The following PPP3CA variants were observed in gnomAD, a reference collection of about 807,000 sequenced individuals.
PPP3CA encodes CAM-PRP catalytic subunit.
A neutral mutation model predicts 66.5 loss-of-function variants in PPP3CA; 14 were observed. The ratio of observed to expected loss-of-function variants is 0.21; its 90% CI spans 0.14 to 0.33. PPP3CA has a LOEUF of 0.33. Ranked by LOEUF, PPP3CA falls within the 10% of genes least tolerant of loss-of-function variation. The pLI, the probability that PPP3CA is intolerant of heterozygous loss-of-function variation, is 1.00. For missense variants in PPP3CA, 317 were observed against 639.5 expected (o/e 0.50, Z 5.44); for synonymous variants, 232 against 226.2 (o/e 1.03, Z -0.23).
At chr4:101,162,658 T>A (rs1353456327) in intron 2 of PPP3CA, among the ~76,000 whole-genome samples, 2 of 152,282 alleles carry the variant, frequency 1.3e-5, no homozygotes, top group Middle Eastern at 3.4e-3. Context: ...CATTTGACAA[T>A]GAATTTCTTA....
intron 2 of PPP3CA, among the ~76,000 whole-genome samples, chr4:101,162,222 A>G: frequency 6.6e-6 from 1 of 152,036 alleles, no homozygotes; most frequent in East Asian, 1.9e-4. Flanking sequence ...CCTGGGAGAC[A>G]GAGCAAGACT....
rs1726594262 is a variant in PPP3CA, at chr4:101,025,597, T to G, written c.*268A>C. 1 of 313,582 alleles carries G rather than the reference T, an allele frequency of 3.2e-6. No individual in the cohort carries two copies. Among genetic ancestry groups the G allele is most frequent in the African/African-American group, 2.1e-5 (1 of 46,562 alleles). 19.4% of individuals were successfully genotyped at this position (313,582 alleles called of 1,614,324 possible). On this transcript the variant is annotated 3_prime_UTR_variant, in exon 14 of 14. Transcript: ENST00000394854. ...TTGCAGTATATACTAGCATTAGCTT[T>G]CTTTTTAAAATTTTTTTTCTCTATA...
At chr4:101,319,100 C>G (rs1414358968) in intron 1 of PPP3CA, among the ~76,000 whole-genome samples, 1 of 149,968 alleles carries the variant, frequency 6.7e-6, no homozygotes, top group Non-Finnish European at 1.5e-5. Flanking sequence ...TAAAAGCAGG[C>G]AGCCACTTAG....
At chr4:101,127,531 A>C (rs1483948988) in intron 2 of PPP3CA, among the ~76,000 whole-genome samples, 1 of 152,168 alleles carries the variant, frequency 6.6e-6, no homozygotes, top group Non-Finnish European at 1.5e-5. Context: ...AGCTACCAGA[A>C]GCTGGAAGAG....
intron 1 of PPP3CA, among the ~76,000 whole-genome samples, chr4:101,293,799 A>G (rs1728106556): frequency 6.6e-6 from 1 of 152,212 alleles, no homozygotes; most frequent in Non-Finnish European, 1.5e-5. Flanking sequence ...GGCCACTTGT[A>G]GCTGAATGTT....
chr4:101,114,495 T>C (rs1313010111), intron 2 of PPP3CA, among the ~76,000 whole-genome samples: 1 of 152,094 alleles, frequency 6.6e-6, no homozygotes, highest in African/African-American at 2.4e-5. Context: ...ATATAATCTA[T>C]CTTGGTAATT....
intron 1 of PPP3CA, among the ~76,000 whole-genome samples, chr4:101,238,132 C>A (rs13133951): frequency 6.6e-6 from 1 of 152,112 alleles, no homozygotes; most frequent in East Asian, 1.9e-4. Context: ...GATATGGCCA[C>A]CAGATCCAGA....
At chr4:101,221,836 T>A (rs1215023061) in intron 1 of PPP3CA, among the ~76,000 whole-genome samples, 3 of 151,676 alleles carry the variant, frequency 2.0e-5, no homozygotes, top group African/African-American at 7.2e-5. Context: ...AACAAAATAC[T>A]CTTCCCTCTA....
intron 2 of PPP3CA, among the ~76,000 whole-genome samples, chr4:101,191,744 C>T (rs959261689): frequency 6.6e-6 from 1 of 152,164 alleles, no homozygotes; most frequent in Non-Finnish European, 1.5e-5. Flanking sequence ...TCCTAATTGA[C>T]GTCAGCTGCT....
At chr4:101,056,427 TGAG>T (rs748975381) in intron 10 of PPP3CA, among the ~76,000 whole-genome samples, 1 of 152,102 alleles carries the variant, frequency 6.6e-6, no homozygotes, top group Non-Finnish European at 1.5e-5. Flanking sequence ...CTGAAGGAAA[TGAG>T]GAGCATCTCT....
At chr4:101,085,497 T>A (rs909031325) in intron 6 of PPP3CA, among the ~76,000 whole-genome samples, 7 of 152,192 alleles carry the variant, frequency 4.6e-5, no homozygotes, top group African/African-American at 1.7e-4. Flanking sequence ...AAAATAAAAT[T>A]AATCAAGTGC....
chr4:101,180,362 T>TCA (rs1238281078), intron 2 of PPP3CA, among the ~76,000 whole-genome samples: 4 of 152,016 alleles, frequency 2.6e-5, no homozygotes, highest in African/African-American at 9.7e-5. Flanking sequence ...TAGCTATGGG[T>TCA]CACTAGGGAG....
chr4:101,165,367 C>A (rs1433014264), intron 2 of PPP3CA, among the ~76,000 whole-genome samples: 2 of 152,042 alleles, frequency 1.3e-5, no homozygotes, highest in South Asian at 2.1e-4. Flanking sequence ...ACTAATTATT[C>A]TTTGTACAAA....
intron 10 of PPP3CA, among the ~76,000 whole-genome samples, chr4:101,044,969 G>T (rs1727694342): frequency 6.6e-6 from 1 of 152,196 alleles, no homozygotes. Flanking sequence ...CAAGTGCTTG[G>T]CTGAAGAGAG....
chr4:101,299,547 T>C (rs545201558), intron 1 of PPP3CA, among the ~76,000 whole-genome samples: 1 of 152,198 alleles, frequency 6.6e-6, no homozygotes, highest in South Asian at 2.1e-4. Context: ...CCCTGTCCTA[T>C]ATGGGGTCTG....
chr4:101,184,512 G>C (rs1174854185), intron 2 of PPP3CA, among the ~76,000 whole-genome samples: 1 of 152,062 alleles, frequency 6.6e-6, no homozygotes, highest in Non-Finnish European at 1.5e-5. Flanking sequence ...AAAAAAAAGA[G>C]GGCAAAATAT....
At chr4:101,114,834 A>T (rs1721790221) in intron 2 of PPP3CA, among the ~76,000 whole-genome samples, 1 of 152,112 alleles carries the variant, frequency 6.6e-6, no homozygotes, top group Admixed American at 6.6e-5. Context: ...GAAAAATAAC[A>T]TGCAGAAAGT....
intron 1 of PPP3CA, among the ~76,000 whole-genome samples, chr4:101,215,684 A>T (rs1010502187): frequency 6.6e-6 from 1 of 152,084 alleles, no homozygotes; most frequent in Non-Finnish European, 1.5e-5. Context: ...CTTCTAACTA[A>T]ATAAAACTAA....
rs754552393 is a variant in PPP3CA, at chr4:101,145,028, CTAG to C, written c.260-35953_260-35951del. Among the ~76,000 whole-genome samples the C allele has an allele frequency of 2.6e-5, 4 of 151,946 alleles. No individual in the cohort carries two copies. The East Asian group carries it at 5.8e-4, about 22-fold the overall frequency. On this transcript the variant is annotated intron_variant, in intron 2 of 13. Transcript: ENST00000394854. The stretch of plus-strand genomic sequence containing the variant: ...GTATAGTAAACTCGTATTTTCTTTC[CTAG>C]TCTAGTTCTTGGCATTAAATAAAAA...
Sources: gnomAD v4.1 joint callset for allele counts (sites outside exome capture counted in the v4.1 genomes callset) on GRCh38, gnomAD v4.1.1 for gene constraint, MANE v1.5 for transcripts, NCBI Gene and HGNC (gene_info 2026-07-23, HGNC 2026-07-21) for gene names.